The following TMTC1 variants were observed in gnomAD, a reference collection of about 807,000 sequenced individuals.
TMTC1 encodes transmembrane O-mannosyltransferase targeting cadherins 1.
TMTC1 carries 73 observed loss-of-function variants against 104.8 expected under a neutral mutation model. The observed-to-expected ratio is 0.70, with a 90% confidence interval of 0.58 to 0.85. The LOEUF is 0.85. Among genes scored for constraint, TMTC1 ranks in the 40% least tolerant of loss-of-function variants. The pLI is 0.00. For synonymous variants in TMTC1, 434 were observed against 428.7 expected (o/e 1.01, Z -0.15); for missense variants, 1,035 against 1,096.1 (o/e 0.94, Z 0.79).
At chr12:29,713,841 A>G (rs543707045) in intron 5 of TMTC1, among the ~76,000 whole-genome samples, 2 of 152,310 alleles carry the variant, frequency 1.3e-5, no homozygotes, top group South Asian at 4.1e-4. Flanking sequence ...TGCTGAAAAT[A>G]TAATTTCCAA....
chr12:29,616,498 T>A (rs191105215), intron 6 of TMTC1, among the ~76,000 whole-genome samples: 1 of 151,864 alleles, frequency 6.6e-6, no homozygotes, highest in Non-Finnish European at 1.5e-5. Flanking sequence ...TGAAACTCCG[T>A]CTCTACTAAA....
chr12:29,684,193 G>A (rs947553373), intron 5 of TMTC1, among the ~76,000 whole-genome samples: 1 of 152,108 alleles, frequency 6.6e-6, no homozygotes, highest in Non-Finnish European at 1.5e-5. Flanking sequence ...GGTGGAACAG[G>A]AGGTTAAAAA....
At chr12:29,507,432 C>T (rs1265026768) in intron 17 of TMTC1, among the ~76,000 whole-genome samples, 1 of 152,186 alleles carries the variant, frequency 6.6e-6, no homozygotes, top group African/African-American at 2.4e-5. Flanking sequence ...TATGTATCCA[C>T]TCTCTCTGTT....
chr12:29,701,934 G>A (rs1941606309), intron 5 of TMTC1, among the ~76,000 whole-genome samples: 1 of 152,154 alleles, frequency 6.6e-6, no homozygotes, highest in Non-Finnish European at 1.5e-5. Flanking sequence ...CTCTAACTTG[G>A]TTAAGCTACT....
At chr12:29,539,500 A>G (rs539752012) in intron 10 of TMTC1, among the ~76,000 whole-genome samples, 1 of 152,302 alleles carries the variant, frequency 6.6e-6, no homozygotes, top group South Asian at 2.1e-4. Context: ...ATTAATGTCC[A>G]ACTACCTACA....
intron 6 of TMTC1, among the ~76,000 whole-genome samples, chr12:29,625,319 C>T (rs1302088561): frequency 6.6e-6 from 1 of 152,138 alleles, no homozygotes; most frequent in African/African-American, 2.4e-5. Flanking sequence ...CAGGATTATT[C>T]CCACTTCGAG....
At chr12:29,516,571 C>A in intron 14 of TMTC1, 85 bp from the exon 15 acceptor site, 1 of 1,426,344 alleles carries the variant, frequency 7.0e-7, no homozygotes. Context: ...ATTCAGAACG[C>A]ACTCCTGACA....
intron 11 of TMTC1, among the ~76,000 whole-genome samples, chr12:29,524,794 C>G (rs1944288110): frequency 6.6e-6 from 1 of 151,994 alleles, no homozygotes; most frequent in South Asian, 2.1e-4. Flanking sequence ...ATCTTTTCTA[C>G]CCAGGCATAA....
At chr12:29,780,637 T>G (rs992409580) in intron 1 of TMTC1, among the ~76,000 whole-genome samples, 3 of 149,460 alleles carry the variant, frequency 2.0e-5, no homozygotes, top group African/African-American at 4.8e-5. Flanking sequence ...TGCATAAAAC[T>G]AAATACACAC....
At chr12:29,763,701 C>G (rs1842342411) in intron 2 of TMTC1, among the ~76,000 whole-genome samples, 1 of 152,150 alleles carries the variant, frequency 6.6e-6, no homozygotes, top group Non-Finnish European at 1.5e-5. Flanking sequence ...CAGGTCTGGC[C>G]ATGTAAACTG....
chr12:29,605,220 T>A (rs1284847998), intron 6 of TMTC1, among the ~76,000 whole-genome samples: 2 of 152,084 alleles, frequency 1.3e-5, no homozygotes, highest in Non-Finnish European at 2.9e-5. Flanking sequence ...TTAAAGTCTA[T>A]TATTTTTAAT....
intron 6 of TMTC1, among the ~76,000 whole-genome samples, chr12:29,614,336 T>C (rs947806481): frequency 1.3e-5 from 2 of 152,214 alleles, no homozygotes; most frequent in African/African-American, 4.8e-5. Context: ...CCCACATCCC[T>C]ACTTCTGAAA....
chr12:29,648,539 T>C (rs1348918508), intron 5 of TMTC1, among the ~76,000 whole-genome samples: 1 of 152,060 alleles, frequency 6.6e-6, no homozygotes, highest in Admixed American at 6.6e-5. Context: ...AAGAGGCCAT[T>C]CAAACCAGAG....
At chr12:29,564,980 G>C (rs1264244604) in intron 9 of TMTC1, among the ~76,000 whole-genome samples, 2 of 152,180 alleles carry the variant, frequency 1.3e-5, no homozygotes, top group East Asian at 3.9e-4. Flanking sequence ...GAGCAGGGTA[G>C]TAAAAGAGGA....
chr12:29,628,695 C>T (rs1264537975), intron 6 of TMTC1, among the ~76,000 whole-genome samples: 1 of 152,152 alleles, frequency 6.6e-6, no homozygotes, highest in Non-Finnish European at 1.5e-5. Flanking sequence ...ACAGACTTCG[C>T]TCTGTCACCC....
chr12:29,546,665 T>G (rs1158859177), intron 10 of TMTC1, among the ~76,000 whole-genome samples: 3 of 152,224 alleles, frequency 2.0e-5, no homozygotes, highest in Non-Finnish European at 2.9e-5. Context: ...GAAAAAATGT[T>G]CAGGCACTTG....
chr12:29,504,789 G>T lies in TMTC1; in HGVS notation c.*2057C>A, dbSNP rs1943663558. On this transcript the variant is annotated 3_prime_UTR_variant, in exon 18 of 18. Coordinates refer to ENST00000539277, the MANE Select transcript of TMTC1 (RefSeq NM_001193451.2). ...GGCGTAATCACTATTCAAAATTTGG[G>T]GCTCAGTCTTTTCCATTAAATTTTT... 1 of 152,004 alleles carries T rather than the reference G, an allele frequency of 6.6e-6. No homozygotes were observed. Among genetic ancestry groups the T allele is most frequent in the Non-Finnish European group, 1.5e-5 (1 of 68,010 alleles). The allele number at this position is 152,004 out of a possible 1,614,324, so 9.4% of individuals were successfully genotyped here.
intron 5 of TMTC1, among the ~76,000 whole-genome samples, chr12:29,669,873 G>A (rs1940438279): frequency 6.6e-6 from 1 of 152,152 alleles, no homozygotes. Context: ...CATGAAGTGG[G>A]CAGAACAGAG....
In TMTC1 at chr12:29,598,326, G is replaced by A. The variant is rs569302990; in HGVS notation, c.1250+5852C>T. Among the ~76,000 whole-genome samples the A allele has an allele frequency of 7.7e-4, 117 of 152,304 alleles. 1 individual carries two copies. The highest frequency in any genetic ancestry group is 1.3e-3 in the Non-Finnish European group (90 of 68,032). ...TAACAGAGGCTGTGTAACTTCAGAG[G>A]TAATTTTTCTCCTTTTGCATTCTGA... On this transcript the variant is annotated intron_variant, in intron 7 of 17. Transcript: ENST00000539277.
Sources: allele counts gnomAD v4.1 joint callset (sites outside exome capture counted in the v4.1 genomes callset), GRCh38; gene constraint gnomAD v4.1.1; transcripts MANE v1.5; gene names NCBI Gene and HGNC (gene_info 2026-07-23, HGNC 2026-07-21).